The following USP36 variants were observed in gnomAD, a reference collection of about 807,000 sequenced individuals.
USP36 encodes the protein ubiquitin carboxyl-terminal hydrolase 36.
Under a neutral mutation model 111.5 loss-of-function variants are expected in USP36, and 59 were observed. The ratio of observed to expected loss-of-function variants is 0.53; its 90% confidence interval spans 0.43 to 0.66. The LOEUF (loss-of-function observed/expected upper bound fraction) is 0.66, where lower values mean the gene tolerates loss of function less well. Among genes scored for constraint, USP36 ranks in the 30% least tolerant of loss-of-function variants. The pLI is 0.00. For synonymous variants in USP36, 628 were observed against 581.0 expected, an observed-to-expected ratio of 1.08 and a Z score of -1.16; for missense variants, 1,488 against 1,468.0, an observed-to-expected ratio of 1.01 and a Z score of -0.22.
rs2093657627 is a variant in USP36 at position 78,798,129 on chromosome 17, C to T, written c.*21-250G>A. On this transcript the variant is annotated intron_variant, in intron 20 of 20. Coordinates refer to ENST00000449938, the MANE Select transcript of USP36 (RefSeq NM_001385174.1). This position sits in a 1 kb window ranked among gnomAD's most constrained non-coding sequence, Gnocchi z 5.1. ...TGCCACAGATGCCAGGTGTACACAC[C>T]CCACACCCAACACACACTACACACA... 2.2e-6 allele frequency: 1 copy of T among 450,798 alleles called. No individual in the cohort carries two copies. The highest frequency in any genetic ancestry group is 4.0e-6 in the Non-Finnish European group (1 of 248,838). 27.9% of individuals were successfully genotyped at this position (450,798 alleles called of 1,614,324 possible). A position where few individuals can be genotyped will look rare whatever the true frequency, so the allele number is the denominator to read the frequency against.
rs1567973203 is a variant in USP36 at position 78,835,308 on chromosome 17, G to A, written c.447C>T (p.Tyr149=). ...TGCGAGCATGCTCCTTGGAGAGCAGGTAGTTGGCTAGAGGTGGTGTGTAGG... is the reference window on the plus strand; with the variant it reads ...TGCGAGCATGCTCCTTGGAGAGCAGATAGTTGGCTAGAGGTGGTGTGTAGG... ...CLTYTPPLAN[Y]LLSKEHARSC... Residue 149 remains tyrosine (Y), a synonymous_variant, in exon 4 of 21, where the codon TAC becomes TAT. Transcript: ENST00000449938. 1.9e-6 allele frequency: 3 copies of A among 1,614,220 alleles called. No individual in the cohort carries two copies. Among genetic ancestry groups the A allele is most frequent in the Non-Finnish European group, 2.5e-6 (3 of 1,180,042 alleles).
Position 78,812,984 on chromosome 17 carries a change from T to A in USP36, c.1283A>T (p.Lys428Ile), listed in dbSNP as rs758671736. 1.2e-6 allele frequency: 2 copies of A among 1,613,940 alleles called. No homozygotes were observed. Among genetic ancestry groups the A allele is most frequent in the African/African-American group, 2.7e-5 (2 of 74,892 alleles). Residue 428 changes from lysine (K) to isoleucine (I), a missense_variant, in exon 13 of 21, where the codon AAA (lysine) becomes ATA (isoleucine). By Grantham distance (102) the Lys-to-Ile change is moderately radical (BLOSUM62 -3). Coordinates refer to ENST00000449938, the MANE Select transcript of USP36 (RefSeq NM_001385174.1). ...CCTGGAGATGAGGCCCTCGGGACTTTTCTTAGAGCCTGGAATTCTGTCAAA... is the reference window on the plus strand; with the variant it reads ...CCTGGAGATGAGGCCCTCGGGACTTATCTTAGAGCCTGGAATTCTGTCAAA... The part of the protein sequence containing the change: ...LFYLRIPGSK[K>I]SPEGLISRTG...
At chr17:78,839,885 C>T (rs751186255) in intron 1 of USP36, among the ~76,000 whole-genome samples, 12 of 152,232 alleles carry the variant, frequency 7.9e-5, no homozygotes, top group Non-Finnish European at 1.8e-4. Context: ...AGGCCTCATC[C>T]ACATTTCCAC....
chr17:78,789,840 G>A (rs367592381), intron 3 of USP36, among the ~76,000 whole-genome samples: 1 of 152,184 alleles, frequency 6.6e-6, no homozygotes, highest in Non-Finnish European at 1.5e-5. Flanking sequence ...AAAAACAAAG[G>A]GGGTGCGGGT....
rs2094247105 is a variant in USP36, at chr17:78,818,765, C to A, written c.925G>T (p.Val309Phe). The A allele has an allele frequency of 6.2e-7, 1 of 1,613,790 alleles. No homozygotes were observed. Among genetic ancestry groups the A allele is most frequent in the African/African-American group, 1.3e-5 (1 of 74,882 alleles). The change falls in exon 10 of 21, where the codon GTT (valine) becomes TTT (phenylalanine). Residue 309 changes from valine to phenylalanine, a missense_variant. Physicochemically the swap from Val to Phe is conservative, Grantham distance 50 (BLOSUM62 -1). Around this residue, in one of 3 missense-constraint regions of USP36, gnomAD observed 196 missense variants for 264.4 expected, o/e 0.74. Transcript: ENST00000449938. ...ATGGTGAAGCGCTTGCTGGCTGGAA[C>A]CTTCTTCTTGCATCTATGAAGAAGG... Reference protein sequence around the residue: ...AYMCAKCKKKVPASKRFTIHR... With the variant: ...AYMCAKCKKKFPASKRFTIHR...
intron 1 of USP36, among the ~76,000 whole-genome samples, chr17:78,840,024 G>A (rs932208391): frequency 1.3e-5 from 2 of 152,250 alleles, no homozygotes; most frequent in African/African-American, 4.8e-5. Flanking sequence ...GGAGCCCACG[G>A]AAGCAGCGGC....
chr17:78,799,911 CAG>C, intron 17 of USP36, 143 bp from the exon 18 acceptor site: 2 of 458,728 alleles, frequency 4.4e-6, no homozygotes, highest in Non-Finnish European at 7.0e-6. Flanking sequence ...TTTTTAAAGA[CAG>C]GGTCTCACTA....
chr17:78,814,481 A>G lies in USP36; in HGVS notation c.1095T>C (p.Tyr365=). 6.2e-7 allele frequency: 1 copy of G among 1,614,240 alleles called. No homozygotes were observed. The change falls in exon 11 of 21, where the codon TAT becomes TAC. Residue 365 remains tyrosine, a synonymous_variant. Coordinates refer to ENST00000449938, the MANE Select transcript of USP36 (RefSeq NM_001385174.1). ...AGTGCACCAGGACAGCATAGAGTCC[A>G]TACATGACAGGATCACCATTATTCT... is the stretch of plus-strand genomic sequence containing the variant. The part of the protein sequence containing the change: ...MSQNNGDPVM[Y]GLYAVLVHSG...
rs1019647417 is a variant in USP36 at position 78,798,517 on chromosome 17, C to T, written c.3275G>A (p.Arg1092Lys). 1 of 1,613,984 alleles carries T rather than the reference C, an allele frequency of 6.2e-7. No individual in the cohort carries two copies. Among genetic ancestry groups the T allele is most frequent in the African/African-American group, 1.3e-5 (1 of 74,900 alleles). Reference sequence around the variant, plus strand: ...TTTCTGGAAGGCGTTGAAGTTTCTCCTCTTCTCTCTCTTAAATTTTTTAAT... The same window carrying T: ...TTTCTGGAAGGCGTTGAAGTTTCTCTTCTTCTCTCTCTTAAATTTTTTAAT... ...KKIKKFKREK[R>K]RNFNAFQKLQ... is the part of the protein sequence containing the mutation. Residue 1092 changes from arginine (R) to lysine (K), a missense_variant, in exon 20 of 21, where the codon AGG becomes AAG. By Grantham distance (26) the Arg-to-Lys change is conservative. Coordinates refer to ENST00000449938, the MANE Select transcript of USP36 (RefSeq NM_001385174.1). This position sits in a 1 kb window ranked among gnomAD's most constrained non-coding sequence, Gnocchi z 5.1.
chr17:78,815,526 C>G (rs1359073535), intron 10 of USP36, among the ~76,000 whole-genome samples: 2 of 152,164 alleles, frequency 1.3e-5, no homozygotes, highest in Admixed American at 1.3e-4. Context: ...CATTTTCTTT[C>G]CCTCCACTTT....
In USP36 at chr17:78,802,569, A is replaced by T. The variant is rs776290049; in HGVS notation, c.2811-34T>A. On this transcript the variant is annotated intron_variant, in intron 16 of 20. Transcript: ENST00000449938. ...AAGTGAGAGGCAGCAGTCAGCTCTG[A>T]GCAAATTGGAAGGGGAGCAGGAGCG... 3 of 1,577,806 alleles carry T rather than the reference A, an allele frequency of 1.9e-6. No homozygotes were observed. The South Asian group carries it at 3.4e-5, about 18-fold the overall frequency.
chr17:78,835,437 G>T lies in USP36; in HGVS notation c.318C>A (p.Pro106=), dbSNP rs34398293. Residue 106 remains proline (P), a synonymous_variant, in exon 4 of 21, where the codon CCC becomes CCA. Transcript: ENST00000449938. ...GVPAPQKVLF[P]TERLSLRWER... ...CCCACCTCAGAGACAGTCGCTCCGT[G>T]GGGAAAAGCACTTTCTGCGGGGCTG... The T allele has an allele frequency of 0.013, 21,031 of 1,614,118 alleles. 180 individuals carry two copies. The highest frequency in any genetic ancestry group is 0.016 in the Middle Eastern group (98 of 6,060).
Position 78,807,284 on chromosome 17 carries a change from G to A in USP36, c.1760C>T (p.Ala587Val), listed in dbSNP as rs949473129. Residue 587 changes from alanine to valine, a missense_variant, in exon 14 of 21, where the codon GCT (alanine) becomes GTT (valine). Around this residue, in one of 3 missense-constraint regions of USP36, gnomAD observed 1,073 missense variants for 994.1 expected, o/e 1.08. Transcript: ENST00000449938. ...VVLSTSPKLL[A>V]TATANGHGLK... Reference sequence around the variant, plus strand: ...CCCATGCCCGTTGGCAGTGGCTGTAGCCAGGAGCTTAGGTGAGGTAGAGAG... The same window carrying A: ...CCCATGCCCGTTGGCAGTGGCTGTAACCAGGAGCTTAGGTGAGGTAGAGAG... The A allele has an allele frequency of 1.2e-6, 2 of 1,614,050 alleles. No individual in the cohort carries two copies. The highest frequency in any genetic ancestry group is 1.3e-5 in the African/African-American group (1 of 74,934).
chr17:78,826,538 A>T (rs1720436731), intron 6 of USP36: 1 of 152,636 alleles, frequency 6.6e-6, no homozygotes, highest in South Asian at 2.1e-4. Flanking sequence ...TTATTGCCAC[A>T]ACTCAACTTC....
chr17:78,828,271 GGTGA>G (rs890682086), intron 5 of USP36, among the ~76,000 whole-genome samples: 1 of 152,182 alleles, frequency 6.6e-6, no homozygotes, highest in Non-Finnish European at 1.5e-5. Flanking sequence ...ATAAAACACA[GGTGA>G]GTAAGTATTT....
chr17:78,792,183 A>T (rs1487789427), downstream of USP36: 2 of 152,412 alleles, frequency 1.3e-5, no homozygotes, highest in African/African-American at 4.8e-5. Context: ...AGCAAAATGA[A>T]TGTCAACCAA....
rs565343238 is a variant in USP36 at position 78,797,282 on chromosome 17, A to T, written c.*618T>A. Reference sequence around the variant, plus strand: ...TAGCCTCTGCTCTCCAGGACAGTTGAGAGCTACTCACAAGGAAGGGGTGCA... The same window carrying T: ...TAGCCTCTGCTCTCCAGGACAGTTGTGAGCTACTCACAAGGAAGGGGTGCA... On this transcript the variant is annotated 3_prime_UTR_variant, in exon 21 of 21. Coordinates refer to ENST00000449938, the MANE Select transcript of USP36 (RefSeq NM_001385174.1). 1 of 152,350 alleles carries T rather than the reference A, an allele frequency of 6.6e-6. No homozygotes were observed. The highest frequency in any genetic ancestry group is 2.4e-5 in the African/African-American group (1 of 41,562). 9.4% of individuals were successfully genotyped at this position (152,350 alleles called of 1,614,324 possible). A position where few individuals can be genotyped will look rare whatever the true frequency, so the allele number is the denominator to read the frequency against.
Position 78,827,292 on chromosome 17 carries a change from C to A in USP36, c.642G>T (p.Arg214=). 6.2e-7 allele frequency: 1 copy of A among 1,614,018 alleles called. No homozygotes were observed. Among genetic ancestry groups the A allele is most frequent in the Non-Finnish European group, 8.5e-7 (1 of 1,179,994 alleles). ...CTTTCTGCATGGCGTCGATGGTGTA[C>A]CGCAGGAACTCATGCGCGTCCTCCT... ...GNQEDAHEFL[R]YTIDAMQKAC... is the part of the protein sequence containing the mutation. Residue 214 remains arginine (R), a synonymous_variant, in exon 6 of 21, where the codon CGG becomes CGT. Coordinates refer to ENST00000449938, the MANE Select transcript of USP36 (RefSeq NM_001385174.1).
chr17:78,827,152 G>A, intron 6 of USP36, 93 bp downstream of exon 6: 1 of 1,410,764 alleles, frequency 7.1e-7, no homozygotes, highest in Admixed American at 2.0e-5. Context: ...GGGTAGAAAG[G>A]TGCCGGGCTG....
Sources: allele counts gnomAD v4.1 joint callset (sites outside exome capture counted in the v4.1 genomes callset), GRCh38; gene constraint gnomAD v4.1.1; regional missense constraint gnomAD v4.1.1; non-coding constraint Gnocchi (gnomAD v3.1); transcripts MANE v1.5; gene names NCBI Gene and HGNC (gene_info 2026-07-23, HGNC 2026-07-21).